MAF: variants seen among roughly 807,000 people sequenced by gnomAD.
The protein encoded by MAF is MAF bZIP transcription factor.
A neutral mutation model predicts 22.0 loss-of-function variants in MAF; 10 were observed. The observed-to-expected ratio is 0.45, with a 90% CI of 0.28 to 0.77. The LOEUF is 0.77. MAF is among the 30% of genes least tolerant of loss of function. The pLI is 0.12. For synonymous variants in MAF, 337 were observed against 255.8 expected, an observed-to-expected ratio of 1.32 and a Z score of -3.03; for missense variants, 544 against 548.4, an observed-to-expected ratio of 0.99 and a Z score of 0.08.
At chr16:79,419,576 C>T in the MAF span, among the ~76,000 whole-genome samples, 1 of 152,178 alleles carries the variant, frequency 6.6e-6, no homozygotes, top group Non-Finnish European at 1.5e-5. Flanking sequence ...GATGTTCCAC[C>T]TCTTATCTTC....
chr16:79,207,228 G>A, the MAF span, among the ~76,000 whole-genome samples: 1 of 152,234 alleles, frequency 6.6e-6, no homozygotes, highest in Non-Finnish European at 1.5e-5. Context: ...TATTCACAGA[G>A]TCAATGGATA....
the MAF span, among the ~76,000 whole-genome samples, chr16:79,543,791 A>G: frequency 6.7e-6 from 1 of 149,380 alleles, no homozygotes; most frequent in Admixed American, 6.8e-5. Flanking sequence ...GGTTCACGGC[A>G]TTCTCCTGCG....
chr16:79,211,905 G>A, the MAF span: 4 of 1,554,828 alleles, frequency 2.6e-6, no homozygotes, highest in South Asian at 4.7e-5. Flanking sequence ...ATCCGCAAGA[G>A]TAAAGGAAAT....
At chr16:79,414,899 G>C in the MAF span, among the ~76,000 whole-genome samples, 14 of 152,302 alleles carry the variant, frequency 9.2e-5, no homozygotes, top group South Asian at 2.1e-3. Flanking sequence ...ATTCTAAACT[G>C]TTCAAATCTT....
At chr16:79,221,759 A>G in the MAF span, among the ~76,000 whole-genome samples, 10 of 146,022 alleles carry the variant, frequency 6.8e-5, no homozygotes, top group Admixed American at 2.0e-4. Flanking sequence ...TTGTGTGTGT[A>G]TGTGTGTGTG....
At chr16:79,295,024 G>T in the MAF span, among the ~76,000 whole-genome samples, 1 of 150,328 alleles carries the variant, frequency 6.7e-6, no homozygotes, top group East Asian at 2.0e-4. Flanking sequence ...ACAAGAAAAA[G>T]GTTGTTAATA....
the MAF span, among the ~76,000 whole-genome samples, chr16:79,548,775 C>T: frequency 6.6e-6 from 1 of 152,176 alleles, no homozygotes; most frequent in African/African-American, 2.4e-5. Flanking sequence ...TGGCAAGACA[C>T]TACATAGAAA....
chr16:79,306,740 C>A, the MAF span, among the ~76,000 whole-genome samples: 3 of 152,150 alleles, frequency 2.0e-5, no homozygotes, highest in Non-Finnish European at 4.4e-5. Context: ...TTGGGCTGGG[C>A]AATCCTCATA....
chr16:79,492,112 C>T, the MAF span, among the ~76,000 whole-genome samples: 1 of 152,166 alleles, frequency 6.6e-6, no homozygotes, highest in African/African-American at 2.4e-5. Flanking sequence ...CAAAGTGCCT[C>T]CATGAGATAG....
chr16:79,564,122 C>A, the MAF span, among the ~76,000 whole-genome samples: 4 of 152,244 alleles, frequency 2.6e-5, no homozygotes, highest in African/African-American at 9.6e-5. Context: ...CCCCTTCAGG[C>A]CTCCTGGGAT....
chr16:79,433,971 G>C, the MAF span, among the ~76,000 whole-genome samples: 1 of 152,016 alleles, frequency 6.6e-6, no homozygotes, highest in East Asian at 1.9e-4. Flanking sequence ...TCTTCTACCA[G>C]GCCCCACCAC....
At chr16:79,589,092 A>T (rs796331939), downstream of MAF, among the ~76,000 whole-genome samples, 3 of 152,098 alleles carry the variant, frequency 2.0e-5, no homozygotes, top group African/African-American at 7.3e-5. Flanking sequence ...GGAGAGAGTA[A>T]AAAGTAGATT....
chr16:79,563,644 A>T, the MAF span, among the ~76,000 whole-genome samples: 1 of 152,210 alleles, frequency 6.6e-6, no homozygotes, highest in African/African-American at 2.4e-5. Context: ...TTACTTTTTT[A>T]AATGAGGCTG....
the MAF span, among the ~76,000 whole-genome samples, chr16:79,245,443 C>A: frequency 4.0e-5 from 6 of 151,836 alleles, no homozygotes; most frequent in Admixed American, 1.3e-4. Context: ...ATGCAGCCAA[C>A]AATCATGAAA....
At chr16:79,455,809 G>C in the MAF span, among the ~76,000 whole-genome samples, 7 of 152,192 alleles carry the variant, frequency 4.6e-5, no homozygotes, top group African/African-American at 1.7e-4. Flanking sequence ...CCTGAGGTCA[G>C]GAGGTTGAGA....
At chr16:79,350,907 G>A in the MAF span, among the ~76,000 whole-genome samples, 23 of 151,164 alleles carry the variant, frequency 1.5e-4, no homozygotes, top group African/African-American at 3.9e-4. Context: ...GTGTGTGCGT[G>A]TGAATACAAG....
chr16:79,400,674 T>C, the MAF span, among the ~76,000 whole-genome samples: 1 of 152,224 alleles, frequency 6.6e-6, no homozygotes. Flanking sequence ...TCCAGACCAC[T>C]CTGCAAAGTA....
At chr16:79,379,861 C>T in the MAF span, among the ~76,000 whole-genome samples, 1 of 152,146 alleles carries the variant, frequency 6.6e-6, no homozygotes, top group Non-Finnish European at 1.5e-5. Context: ...GAGGGTGCCT[C>T]ACTGAGGACT....
chr16:79,219,665 C>T, the MAF span, among the ~76,000 whole-genome samples: 1 of 151,762 alleles, frequency 6.6e-6, no homozygotes, highest in Non-Finnish European at 1.5e-5. Context: ...TCCTGTGTGA[C>T]GCTGTGCCAC....
Sources: allele counts gnomAD v4.1 joint callset (sites outside exome capture counted in the v4.1 genomes callset), GRCh38; gene constraint gnomAD v4.1.1; transcripts MANE v1.5; gene names NCBI Gene and HGNC (gene_info 2026-07-23, HGNC 2026-07-21).